ZFHX3: variants seen among roughly 807,000 people sequenced by gnomAD.
The protein encoded by ZFHX3 is zinc finger homeobox 3, also known as zinc finger homeobox protein 3.
In ZFHX3, 42 loss-of-function variants were observed where a neutral mutation model predicts 279.1. The observed-to-expected ratio is 0.15, with a 90% confidence interval of 0.12 to 0.19. The LOEUF (loss-of-function observed/expected upper bound fraction) is 0.19, where lower values mean the gene tolerates loss of function less well. Among genes scored for constraint, ZFHX3 ranks in the 10% least tolerant of loss-of-function variants. The pLI is 1.00. For synonymous variants in ZFHX3, 2,293 were observed against 1,957.8 expected (o/e 1.17, Z -4.52); for missense variants, 4,981 against 4,754.0 (o/e 1.05, Z -1.40).
chr16:73,633,515 G>A (rs940346854), intron 2 of ZFHX3, among the ~76,000 whole-genome samples: 5 of 152,208 alleles, frequency 3.3e-5, no homozygotes, highest in Admixed American at 6.5e-5. Context: ...TCAGGACTTC[G>A]AGACTATTCG....
chr16:73,746,763 T>A (rs371878609), intron 1 of ZFHX3, among the ~76,000 whole-genome samples: 9 of 152,302 alleles, frequency 5.9e-5, no homozygotes, highest in African/African-American at 1.9e-4. Flanking sequence ...AGATAACAAA[T>A]GCCCTGAAAT....
chr16:73,276,460 C>T (rs11149837), intron 4 of ZFHX3, among the ~76,000 whole-genome samples: 30,689 of 151,994 alleles, frequency 0.2, 3,413 homozygotes, highest in African/African-American at 0.31. Context: ...CTGGGATTTA[C>T]AGGTGTGAGC....
chr16:72,846,300 C>T (rs1327364307), intron 4 of ZFHX3, among the ~76,000 whole-genome samples: 1 of 152,186 alleles, frequency 6.6e-6, no homozygotes, highest in African/African-American at 2.4e-5. Flanking sequence ...GTGTGAGCCA[C>T]AGGAGGCTCA....
intron 5 of ZFHX3, among the ~76,000 whole-genome samples, chr16:73,235,155 T>C (rs1428360503): frequency 6.6e-6 from 1 of 151,972 alleles, no homozygotes; most frequent in African/African-American, 2.4e-5. Flanking sequence ...CTGCAACCTC[T>C]GTCTCCTAGG....
chr16:72,807,800 G>C (rs1289357960), intron 7 of ZFHX3: 1 of 152,122 alleles, frequency 6.6e-6, no homozygotes, highest in Non-Finnish European at 1.5e-5. Context: ...GATTTTGCAA[G>C]CTTTTCCTAT....
chr16:72,918,800 A>G (rs376228332), intron 3 of ZFHX3, among the ~76,000 whole-genome samples: 13 of 150,064 alleles, frequency 8.7e-5, no homozygotes, highest in African/African-American at 3.2e-4. Context: ...CGTTCACACC[A>G]TTCTCCTGCC....
intron 1 of ZFHX3, among the ~76,000 whole-genome samples, chr16:73,853,468 T>C (rs369124635): frequency 4.0e-5 from 6 of 150,934 alleles, no homozygotes; most frequent in African/African-American, 1.5e-4. Flanking sequence ...GAAAATGTGG[T>C]ATACACACAC....
At chr16:72,887,583 C>A (rs1406366367) in intron 4 of ZFHX3, among the ~76,000 whole-genome samples, 3 of 149,620 alleles carry the variant, frequency 2.0e-5, no homozygotes, top group African/African-American at 7.4e-5. Context: ...CGGGGCAGTG[C>A]CTGTGTATTT....
chr16:73,412,348 A>T (rs1204572663), intron 3 of ZFHX3, among the ~76,000 whole-genome samples: 2 of 150,872 alleles, frequency 1.3e-5, no homozygotes, highest in Non-Finnish European at 2.9e-5. Flanking sequence ...AAAAAAAAAA[A>T]AGTAAATGTC....
upstream of ZFHX3, among the ~76,000 whole-genome samples, chr16:73,059,946 G>A (rs1365167054): frequency 6.6e-6 from 1 of 152,082 alleles, no homozygotes; most frequent in African/African-American, 2.4e-5. Context: ...ATAACTTCAG[G>A]AAAGACAAGA....
At chr16:72,963,777 G>A (rs559177598) in intron 1 of ZFHX3, among the ~76,000 whole-genome samples, 1 of 152,190 alleles carries the variant, frequency 6.6e-6, no homozygotes, top group Non-Finnish European at 1.5e-5. Context: ...TTTCAGGGAA[G>A]CTGGGGTGGG....
intron 5 of ZFHX3, among the ~76,000 whole-genome samples, chr16:73,218,541 G>T (rs1188022327): frequency 6.6e-6 from 1 of 152,206 alleles, no homozygotes; most frequent in African/African-American, 2.4e-5. Context: ...GGCCGAGGCA[G>T]GCAGATCACT....
intron 3 of ZFHX3, among the ~76,000 whole-genome samples, chr16:72,931,973 C>T (rs889169981): frequency 1.3e-5 from 2 of 152,174 alleles, no homozygotes; most frequent in South Asian, 2.1e-4. Context: ...AATATATTCT[C>T]GTTTTTCCAT....
At chr16:73,054,137 T>C (rs1208771069) in intron 1 of ZFHX3, among the ~76,000 whole-genome samples, 4 of 152,172 alleles carry the variant, frequency 2.6e-5, no homozygotes, top group African/African-American at 4.8e-5. Flanking sequence ...TTAATATTTA[T>C]TGGTGTTTAT....
chr16:73,600,225 T>C (rs1312648063), intron 2 of ZFHX3, among the ~76,000 whole-genome samples: 2 of 152,198 alleles, frequency 1.3e-5, no homozygotes, highest in Non-Finnish European at 2.9e-5. Context: ...GAATGGACTG[T>C]TTCTAAAGAA....
At chr16:72,839,203 C>A (rs1034867063) in intron 4 of ZFHX3, among the ~76,000 whole-genome samples, 6 of 152,148 alleles carry the variant, frequency 3.9e-5, no homozygotes, top group South Asian at 2.1e-4. Context: ...CTTCCCCCCC[C>A]CATTTTCCAG....
Position 72,800,261 on chromosome 16 carries a change from C to T in ZFHX3, c.3865-132G>A, listed in dbSNP as rs2036055392. 4.4e-6 allele frequency: 3 copies of T among 682,160 alleles called. No homozygotes were observed. In the South Asian group the frequency reaches 5.5e-5, roughly 13 times the overall value. 42.3% of individuals were successfully genotyped at this position (682,160 alleles called of 1,614,324 possible). A position where few individuals can be genotyped will look rare whatever the true frequency, so the allele number is the denominator to read the frequency against. The stretch of plus-strand genomic sequence containing the variant: ...TAGAGGTGTCTCACTTTTCATAGCT[C>T]ACTGAAGATTCATGTTTATTAGACA... On this transcript the variant is annotated intron_variant, in intron 7 of 9. Transcript: ENST00000268489.
At chr16:73,092,702 G>C (rs1013177379) in intron 8 of ZFHX3, 1 of 318,384 alleles carries the variant, frequency 3.1e-6, no homozygotes, top group African/African-American at 2.2e-5. Context: ...ACATGCTCTT[G>C]CTCTCTCGCG....
At chr16:73,105,929 A>AACCCCCCCCCC (rs1567390075) in intron 7 of ZFHX3, among the ~76,000 whole-genome samples, 1 of 110,846 alleles carries the variant, frequency 9.0e-6, no homozygotes, top group Non-Finnish European at 1.8e-5. Context: ...ATGTACACGG[A>AACCCCCCCCCC]CCCCCTCCCC....
Sources: allele counts gnomAD v4.1 joint callset (sites outside exome capture counted in the v4.1 genomes callset), GRCh38; gene constraint gnomAD v4.1.1; transcripts MANE v1.5; gene names NCBI Gene and HGNC (gene_info 2026-07-23, HGNC 2026-07-21).